Variants in KIF1A observed in about 807,000 individuals in gnomAD.
KIF1A encodes the protein kinesin-like protein KIF1A.
A neutral mutation model predicts 227.3 loss-of-function variants in KIF1A; 46 were observed. That is an observed-to-expected ratio of 0.20 (90% CI 0.16 to 0.26). The LOEUF is 0.26. Ranked by LOEUF, KIF1A falls within the 10% of genes least tolerant of loss-of-function variation. The pLI, the probability that KIF1A is intolerant of heterozygous loss-of-function variation, is 1.00. For synonymous variants in KIF1A, 1,022 were observed against 1,012.8 expected (o/e 1.01, Z -0.17); for missense variants, 1,683 against 2,485.9 (o/e 0.68, Z 6.87).
Position 240,757,477 on chromosome 2 carries a change from A to C in KIF1A, c.2700T>G (p.Pro900=). 6.5e-7 allele frequency: 1 copy of C among 1,550,020 alleles called. No individual in the cohort carries two copies. Among genetic ancestry groups the C allele is most frequent in the Non-Finnish European group, 8.7e-7 (1 of 1,146,898 alleles). ...FSSPDSDATE[P]AEEQSVGEEE... is the part of the protein sequence containing the mutation. ...CCTCCCCCACGCTCTGCTCCTCGGC[A>C]GGCTCGGTGGCGTCGGAGTCGGGGC... The change falls in exon 27 of 49, where the codon CCT becomes CCG. Residue 900 remains proline, a synonymous_variant. Transcript: ENST00000498729. The surrounding 1 kb of genome is among the most constrained non-coding windows in gnomAD (Gnocchi z 6.2).
chr2:240,739,062 T>G lies in KIF1A; in HGVS notation c.3901+996A>C, dbSNP rs2047670833. Among the ~76,000 whole-genome samples the G allele has an allele frequency of 6.6e-6, 1 of 152,244 alleles. No individual in the cohort carries two copies. Among genetic ancestry groups the G allele is most frequent in the Non-Finnish European group, 1.5e-5 (1 of 68,046 alleles). On this transcript the variant is annotated intron_variant, in intron 37 of 48. Transcript: ENST00000498729. This position sits in a 1 kb window ranked among gnomAD's most constrained non-coding sequence, Gnocchi z 5.6. ...GCTTGTTCCATGACTTTCTGATTCA[T>G]GTGAAATTAGACACAAAACTTGTAA...
rs963417638 is a variant in KIF1A at position 240,775,034 on chromosome 2, G to A, written c.959-773C>T. Reference sequence around the variant, plus strand: ...GAGGACTCCCCTGCCCCCGCCCTGGGACTGAACCTGGGTGTGCCTGGAGCA... The same window carrying A: ...GAGGACTCCCCTGCCCCCGCCCTGGAACTGAACCTGGGTGTGCCTGGAGCA... On this transcript the variant is annotated intron_variant, in intron 11 of 48. Transcript: ENST00000498729. This position sits in a 1 kb window ranked among gnomAD's most constrained non-coding sequence, Gnocchi z 5.5. Among the ~76,000 whole-genome samples the A allele has an allele frequency of 6.6e-6, 1 of 152,224 alleles. No homozygotes were observed. Among genetic ancestry groups the A allele is most frequent in the Non-Finnish European group, 1.5e-5 (1 of 68,028 alleles).
rs899778611 is a variant in KIF1A at position 240,718,109 on chromosome 2, G to A, written c.5274C>T (p.Ser1758=). 8.7e-6 allele frequency: 14 copies of A among 1,611,622 alleles called. No homozygotes were observed. The highest frequency in any genetic ancestry group is 1.0e-5 in the Non-Finnish European group (12 of 1,179,396). The change falls in exon 48 of 49, where the codon AGC becomes AGT. Residue 1758 remains serine, a synonymous_variant. Coordinates refer to ENST00000498729, the MANE Select transcript of KIF1A (RefSeq NM_001244008.2). The part of the protein sequence containing the change: ...EHRGILLQAA[S]DKDMHDWLYA... ...ACAGCCAGTCATGCATGTCCTTGTCGCTGGCGGCCTGCAGCAGGATGCCGC... is the reference window on the plus strand; with the variant it reads ...ACAGCCAGTCATGCATGTCCTTGTCACTGGCGGCCTGCAGCAGGATGCCGC...
At chr2:240,729,086 A>G (rs549095334) in intron 38 of KIF1A, among the ~76,000 whole-genome samples, 8 of 152,138 alleles carry the variant, frequency 5.3e-5, no homozygotes, top group Admixed American at 6.5e-5. Context: ...TGTCATCATC[A>G]CTGTCTGGTA....
rs1177221487 is a variant in KIF1A, at chr2:240,757,788, A to C, written c.2583-194T>G. On this transcript the variant is annotated intron_variant, in intron 26 of 48. Transcript: ENST00000498729. The surrounding 1 kb of genome is among the most constrained non-coding windows in gnomAD (Gnocchi z 6.2). ...TTGGAAAGAAATCACATGTATGGCC[A>C]GCAGGAAGGTTCCGGAAGGTTCCGG... Among the ~76,000 whole-genome samples the C allele has an allele frequency of 2.6e-5, 4 of 152,172 alleles. No homozygotes were observed. In the East Asian group the frequency reaches 5.8e-4, roughly 22 times the overall value.
intron 1 of KIF1A, among the ~76,000 whole-genome samples, chr2:240,805,960 A>G (rs980980518): frequency 1.3e-4 from 20 of 152,274 alleles, no homozygotes; most frequent in African/African-American, 4.8e-4. Flanking sequence ...TTTCATGTCC[A>G]GCCATGACAG....
chr2:240,786,353 T>A lies in KIF1A; in HGVS notation c.590A>T (p.Asp197Val). The A allele has an allele frequency of 6.2e-7, 1 of 1,613,472 alleles. No homozygotes were observed. Among genetic ancestry groups the A allele is most frequent in the East Asian group, 2.2e-5 (1 of 44,884 alleles). ...CACCCACCTGGCCTTGTTCCCTGAG[T>A]CCATGAGGTCCTGGATGTCATTGTA... ...TSYNDIQDLMDSGNKARTVAA... is the reference protein window; with the variant it reads ...TSYNDIQDLMVSGNKARTVAA... The change falls in exon 6 of 49, where the codon GAC becomes GTC. Residue 197 changes from aspartate (D) to valine (V), a missense_variant. Physicochemically the swap from Asp to Val is radical, Grantham distance 152. Transcript: ENST00000498729.
In KIF1A at chr2:240,766,864, C is replaced by T; in HGVS notation, c.1684+51G>A. 7.5e-7 allele frequency: 1 copy of T among 1,324,644 alleles called. No homozygotes were observed. Among genetic ancestry groups the T allele is most frequent in the Non-Finnish European group, 1.1e-6 (1 of 940,010 alleles). 82.1% of individuals were successfully genotyped at this position (1,324,644 alleles called of 1,614,324 possible). On this transcript the variant is annotated intron_variant, in intron 19 of 48. Transcript: ENST00000498729. This position sits in a 1 kb window ranked among gnomAD's most constrained non-coding sequence, Gnocchi z 5.0. ...GAGGGTGACCTCATTCAGGCCTGAT[C>T]ATCACGGCACAGGGGCATGGGTGCG...
chr2:240,734,682 A>G (rs1418617506), intron 38 of KIF1A: 1 of 1,301,864 alleles, frequency 7.7e-7, no homozygotes, highest in African/African-American at 1.5e-5. Context: ...AGAGGCTGAA[A>G]TGAAACCAAG....
intron 18 of KIF1A, 60 bp from the exon 19 acceptor site, chr2:240,767,081 C>A: frequency 7.5e-7 from 1 of 1,340,576 alleles, no homozygotes; most frequent in Admixed American, 1.9e-5. Context: ...AGGACGCCAC[C>A]CACTGGCCTC....
At chr2:240,743,893 AG>A in intron 33 of KIF1A, 48 bp downstream of exon 33, 1 of 1,214,218 alleles carries the variant, frequency 8.2e-7, no homozygotes, top group Non-Finnish European at 1.2e-6. Context: ...AGATCTGGGC[AG>A]GGGCTTTGAG....
rs1340269499 is a variant in KIF1A at position 240,719,900 on chromosome 2, G to C, written c.4895C>G (p.Ala1632Gly). 2.5e-6 allele frequency: 4 copies of C among 1,610,944 alleles called. No homozygotes were observed. Among genetic ancestry groups the C allele is most frequent in the Admixed American group, 3.3e-5 (2 of 59,876 alleles). Residue 1632 changes from alanine (A) to glycine (G), a missense_variant, in exon 46 of 49, where the codon GCC (alanine) becomes GGC (glycine). By Grantham distance (60) the Ala-to-Gly change is moderately conservative (BLOSUM62 0). Coordinates refer to ENST00000498729, the MANE Select transcript of KIF1A (RefSeq NM_001244008.2). ...TGGCAGCAGCTCGGGCTCTGGGCTGGCTGGCCGGGAGCAGGGCTGCGGGGT... is the reference window on the plus strand; with the variant it reads ...TGGCAGCAGCTCGGGCTCTGGGCTGCCTGGCCGGGAGCAGGGCTGCGGGGT... ...LRTPQPCSRP[A>G]SPEPELLPEA... is the part of the protein sequence containing the mutation.
intron 38 of KIF1A, chr2:240,728,547 G>A: frequency 1.9e-6 from 1 of 514,586 alleles, no homozygotes; most frequent in Non-Finnish European, 3.6e-6. Context: ...ACGGCCCCCA[G>A]GCTCTCGCTG....
chr2:240,819,808 C>T (rs1171915750), intron 1 of KIF1A, among the ~76,000 whole-genome samples: 3 of 152,140 alleles, frequency 2.0e-5, no homozygotes, highest in Non-Finnish European at 4.4e-5. Flanking sequence ...GGCGAGCCCT[C>T]CCGAGGGCGA....
Position 240,722,544 on chromosome 2 carries a change from G to A in KIF1A, c.4577C>T (p.Ser1526Phe). 2 of 1,550,280 alleles carry A rather than the reference G, an allele frequency of 1.3e-6. No individual in the cohort carries two copies. Among genetic ancestry groups the A allele is most frequent in the Non-Finnish European group, 1.7e-6 (2 of 1,147,314 alleles). Residue 1526 changes from serine to phenylalanine, a missense_variant, in exon 43 of 49, where the codon TCC (serine) becomes TTC (phenylalanine). This residue lies in a region of KIF1A where 384 missense variants were observed against 410.1 expected (regional missense o/e 0.94). Coordinates refer to ENST00000498729, the MANE Select transcript of KIF1A (RefSeq NM_001244008.2). ...CGAGAGCGGGGAGGAGGCGCTGGAG[G>A]AGCCATGGGACTCAGAGTCCTCGCT... ...AFSEDSESHG[S>F]SSASSPLSAE...
intron 23 of KIF1A, 56 bp downstream of exon 23, chr2:240,762,663 C>T: frequency 4.0e-6 from 6 of 1,485,568 alleles, no homozygotes; most frequent in Non-Finnish European, 5.4e-6. Flanking sequence ...CAGGGCTGCC[C>T]ACCTCCATGC....
At chr2:240,784,578 C>T (rs73011100) in intron 7 of KIF1A, among the ~76,000 whole-genome samples, 28,844 of 152,190 alleles carry the variant, frequency 0.19, 3,372 homozygotes, top group Non-Finnish European at 0.26. Context: ...CCCCTTTGCG[C>T]TCCCCACACG....
At position 240,714,364 on chromosome 2, in the gene KIF1A, G is replaced by C. The variant is rs1391170281; in HGVS notation, c.*3000C>G. 1 of 152,364 alleles carries C rather than the reference G, an allele frequency of 6.6e-6. No individual in the cohort carries two copies. Among genetic ancestry groups the C allele is most frequent in the African/African-American group, 2.4e-5 (1 of 41,430 alleles). The allele number at this position is 152,364 out of a possible 1,614,324, so 9.4% of individuals were successfully genotyped here. A position where few individuals can be genotyped will look rare whatever the true frequency, so the allele number is the denominator to read the frequency against. On this transcript the variant is annotated 3_prime_UTR_variant, in exon 49 of 49. Transcript: ENST00000498729. ...GGCCGTGTCCCATCAGATCCCAAGT[G>C]CTGGTCGGCCTGGAGCCCGGCATCC...
Position 240,757,254 on chromosome 2 carries a change from C to A in KIF1A, c.2858+65G>T. On this transcript the variant is annotated intron_variant, in intron 27 of 48. Coordinates refer to ENST00000498729, the MANE Select transcript of KIF1A (RefSeq NM_001244008.2). The surrounding 1 kb of genome is among the most constrained non-coding windows in gnomAD (Gnocchi z 6.2). The stretch of plus-strand genomic sequence containing the variant: ...CAGGCCCCAGCGGTTCCTCTGTGCC[C>A]GCAGCAGTGCTCCTGTGCAAAAGAG... 6.8e-7 allele frequency: 1 copy of A among 1,465,476 alleles called. No individual in the cohort carries two copies. The allele number at this position is 1,465,476 out of a possible 1,614,324, so 90.8% of individuals were successfully genotyped here.
Sources: gnomAD v4.1 joint callset for allele counts (sites outside exome capture counted in the v4.1 genomes callset) on GRCh38, gnomAD v4.1.1 for gene constraint, gnomAD v4.1.1 regional missense constraint, Gnocchi (gnomAD v3.1) non-coding constraint, MANE v1.5 for transcripts, NCBI Gene and HGNC (gene_info 2026-07-23, HGNC 2026-07-21) for gene names.